The following TIGIT variants were observed in gnomAD, a reference collection of about 807,000 sequenced individuals.
TIGIT encodes the protein T cell immunoreceptor with Ig and ITIM domains.
In TIGIT, 11 loss-of-function variants were observed where a neutral mutation model predicts 19.6. The observed-to-expected ratio is 0.56, with a 90% CI of 0.35 to 0.93. TIGIT has a LOEUF of 0.93. TIGIT is among the 40% of genes least tolerant of loss of function. The pLI is 0.01. For synonymous variants in TIGIT, 130 were observed against 125.5 expected (o/e 1.04, Z -0.24); for missense variants, 295 against 303.9 (o/e 0.97, Z 0.22).
Position 114,305,693 on chromosome 3 carries a change from ATG to A in TIGIT, c.499-2201_499-2200del, listed in dbSNP as rs2078528981. Among the ~76,000 whole-genome samples, 3 of 152,176 alleles carry A rather than the reference ATG, an allele frequency of 2.0e-5. No homozygotes were observed. The South Asian group carries it at 6.2e-4, about 32-fold the overall frequency. ...AGCGTACACTCCCAGCATCTGGAAA[ATG>A]GGAGTGCTGGTCAGGTAGAGAGATC... On this transcript the variant is annotated intron_variant, in intron 3 of 3. Coordinates refer to ENST00000383671, the MANE Select transcript of TIGIT (RefSeq NM_173799.4).
At chr3:114,297,438 G>A (rs562628738) in intron 2 of TIGIT, among the ~76,000 whole-genome samples, 1 of 152,258 alleles carries the variant, frequency 6.6e-6, no homozygotes, top group African/African-American at 2.4e-5. Flanking sequence ...AGGAGGCCTG[G>A]GACAATAAGC....
intron 3 of TIGIT, among the ~76,000 whole-genome samples, chr3:114,302,451 A>G (rs2078498619): frequency 6.6e-6 from 1 of 152,160 alleles, no homozygotes; most frequent in African/African-American, 2.4e-5. Flanking sequence ...TTGATTATGT[A>G]TGTAAGCAAT....
intron 3 of TIGIT, among the ~76,000 whole-genome samples, chr3:114,304,715 T>C (rs954217900): frequency 6.6e-6 from 1 of 152,190 alleles, no homozygotes; most frequent in Non-Finnish European, 1.5e-5. Flanking sequence ...ACGGGCCTGA[T>C]GGACAGTAGG....
In TIGIT at chr3:114,295,669, G is replaced by T; in HGVS notation, c.186G>T (p.Gln62His). 6.2e-7 allele frequency: 1 copy of T among 1,614,232 alleles called. No homozygotes were observed. The highest frequency in any genetic ancestry group is 8.5e-7 in the Non-Finnish European group (1 of 1,180,040). Residue 62 changes from glutamine to histidine, a missense_variant, in exon 2 of 4, where the codon CAG becomes CAT. Coordinates refer to ENST00000383671, the MANE Select transcript of TIGIT (RefSeq NM_173799.4). The stretch of plus-strand genomic sequence containing the variant: ...TGACCCAGGTCAACTGGGAGCAGCA[G>T]GACCAGCTTCTGGCCATTTGTAATG... ...AQVTQVNWEQ[Q>H]DQLLAICNAD...
At chr3:114,295,972 C>G in intron 2 of TIGIT, 98 bp downstream of exon 2, 5 of 997,768 alleles carry the variant, frequency 5.0e-6, no homozygotes, top group Non-Finnish European at 5.9e-6. Flanking sequence ...AATTCGGGAT[C>G]ACATTTGAAT....
chr3:114,302,729 C>T (rs1048174645), intron 3 of TIGIT, among the ~76,000 whole-genome samples: 5 of 152,200 alleles, frequency 3.3e-5, no homozygotes, highest in African/African-American at 1.2e-4. Flanking sequence ...TGCTGGAGCT[C>T]CCCTAGCACA....
rs373122127 is a variant in TIGIT, at chr3:114,304,865, C to G, written c.499-3030C>G. Among the ~76,000 whole-genome samples the G allele has an allele frequency of 4.6e-5, 7 of 152,296 alleles. No homozygotes were observed. The South Asian group carries it at 1.2e-3, about 27-fold the overall frequency. On this transcript the variant is annotated intron_variant, in intron 3 of 3. Coordinates refer to ENST00000383671, the MANE Select transcript of TIGIT (RefSeq NM_173799.4). ...TTCCAGAGATCCTCATTCCAAGTTT[C>G]AGGAGACTCCTCCTCTACTATCAAG...
In TIGIT at chr3:114,310,102, T is replaced by C. The variant is rs2078562020; in HGVS notation, c.*1971T>C. On this transcript the variant is annotated 3_prime_UTR_variant, in exon 4 of 4. Coordinates refer to ENST00000383671, the MANE Select transcript of TIGIT (RefSeq NM_173799.4). ...CGTAGCCACTTTCCACATGTGGCCA[T>C]CAACCACTTAAGATGGGGTTAGTTT... The C allele has an allele frequency of 6.6e-6, 1 of 152,170 alleles. No homozygotes were observed. The highest frequency in any genetic ancestry group is 2.4e-5 in the African/African-American group (1 of 41,444). 9.4% of individuals were successfully genotyped at this position (152,170 alleles called of 1,614,324 possible). A position where few individuals can be genotyped will look rare whatever the true frequency, so the allele number is the denominator to read the frequency against.
intron 3 of TIGIT, among the ~76,000 whole-genome samples, chr3:114,305,140 A>G (rs1191549596): frequency 2.0e-5 from 3 of 150,046 alleles, no homozygotes; most frequent in South Asian, 4.3e-4. Context: ...ATTAACTATT[A>G]CCCTATACTG....
intron 3 of TIGIT, 131 bp from the exon 4 acceptor site, chr3:114,307,764 A>C: frequency 1.2e-6 from 1 of 808,844 alleles, no homozygotes; most frequent in East Asian, 2.5e-5. Context: ...AGGGCTAAGG[A>C]ATTGGTGTTG....
At chr3:114,305,780 AGATGGATGGATGGATGGATG>A (rs139399080) in intron 3 of TIGIT, among the ~76,000 whole-genome samples, 3 of 143,766 alleles carry the variant, frequency 2.1e-5, no homozygotes, top group Admixed American at 1.4e-4. Flanking sequence ...TAGGAGATAT[AGATGGATGGATGGATGGATG>A]GATGGATGGA....
In TIGIT at chr3:114,294,137, C is replaced by T; in HGVS notation, c.61+15C>T. The T allele has an allele frequency of 6.5e-7, 1 of 1,546,362 alleles. No homozygotes were observed. The highest frequency in any genetic ancestry group is 1.2e-5 in the South Asian group (1 of 83,874). On this transcript the variant is annotated intron_variant, in intron 1 of 3. Transcript: ENST00000383671. ...CCTCGCCTCAGGTAAGGCCTGAAAC[C>T]CAGCAGAGCAGCAGGGAGGAAAAAC...
rs561603865 is a variant in TIGIT, at chr3:114,307,512, A to T, written c.499-383A>T. 7 of 201,554 alleles carry T rather than the reference A, an allele frequency of 3.5e-5. No individual in the cohort carries two copies. The East Asian group carries it at 1.0e-3, about 29-fold the overall frequency. The allele number at this position is 201,554 out of a possible 1,614,324, so 12.5% of individuals were successfully genotyped here. On this transcript the variant is annotated intron_variant, in intron 3 of 3. Transcript: ENST00000383671. The stretch of plus-strand genomic sequence containing the variant: ...GAAGACGAAGGTGGGGGTTCAAAGG[A>T]GGAGAAGAAAATCAGGAGAGAGTGA...
At chr3:114,306,811 A>C (rs1299825671) in intron 3 of TIGIT, among the ~76,000 whole-genome samples, 4 of 152,188 alleles carry the variant, frequency 2.6e-5, no homozygotes, top group African/African-American at 9.6e-5. Flanking sequence ...TTTCTATACA[A>C]TTTACAAATC....
intron 1 of TIGIT, 48 bp from the exon 2 acceptor site, chr3:114,295,497 G>A (rs1312319196): frequency 6.6e-7 from 1 of 1,514,036 alleles, no homozygotes; most frequent in East Asian, 2.3e-5. Context: ...GAAGGTTGAA[G>A]GCCAGCTGCT....
chr3:114,297,916 T>G (rs1469977210), intron 2 of TIGIT, among the ~76,000 whole-genome samples: 1 of 152,234 alleles, frequency 6.6e-6, no homozygotes, highest in East Asian at 1.9e-4. Flanking sequence ...CTCTTCCCTC[T>G]TGTTTCCCAA....
rs373718714 is a variant in TIGIT, at chr3:114,295,638, C to T, written c.155C>T (p.Ala52Val). 11 of 1,614,090 alleles carry T rather than the reference C, an allele frequency of 6.8e-6. No homozygotes were observed. In the African/African-American group the frequency reaches 9.3e-5, roughly 14 times the overall value. Residue 52 changes from alanine to valine, a missense_variant, in exon 2 of 4, where the codon GCA (alanine) becomes GTA (valine). By Grantham distance (64) the Ala-to-Val change is moderately conservative. Transcript: ENST00000383671. ...CAATGTCACCTCTCCTCCACCACGGCACAAGTGACCCAGGTCAACTGGGAG... is the reference window on the plus strand; with the variant it reads ...CAATGTCACCTCTCCTCCACCACGGTACAAGTGACCCAGGTCAACTGGGAG... The part of the protein sequence containing the change: ...ILQCHLSSTT[A>V]QVTQVNWEQQ...
chr3:114,302,329 A>G (rs2078497846), intron 3 of TIGIT, among the ~76,000 whole-genome samples: 2 of 152,238 alleles, frequency 1.3e-5, no homozygotes, highest in Admixed American at 1.3e-4. Flanking sequence ...CAAGAGGCAA[A>G]TGGCTGGTAT....
At chr3:114,307,511 G>A (rs80286218) in intron 3 of TIGIT, 113 of 202,670 alleles carry the variant, frequency 5.6e-4, no homozygotes, top group African/African-American at 2.6e-3. Context: ...GGGTTCAAAG[G>A]AGGAGAAGAA....
Sources: allele counts gnomAD v4.1 joint callset (sites outside exome capture counted in the v4.1 genomes callset), GRCh38; gene constraint gnomAD v4.1.1; transcripts MANE v1.5; gene names NCBI Gene and HGNC (gene_info 2026-07-23, HGNC 2026-07-21).